The following PRKAG2 variants were observed in gnomAD, a reference collection of about 807,000 sequenced individuals.
The protein encoded by PRKAG2 is 5'-AMP-activated protein kinase subunit gamma-2.
In PRKAG2, 26 loss-of-function variants were observed where a neutral mutation model predicts 69.6. The ratio of observed to expected loss-of-function variants is 0.37; its 90% confidence interval spans 0.27 to 0.52. The LOEUF is 0.52. PRKAG2 is among the 20% of genes least tolerant of loss of function. The pLI is 0.90. For synonymous variants in PRKAG2, 293 were observed against 285.0 expected, an observed-to-expected ratio of 1.03 and a Z score of -0.28; for missense variants, 557 against 740.0, an observed-to-expected ratio of 0.75 and a Z score of 2.87.
chr7:151,663,241 C>CT (rs1227667691), intron 4 of PRKAG2, among the ~76,000 whole-genome samples: 9 of 152,170 alleles, frequency 5.9e-5, no homozygotes, highest in African/African-American at 1.9e-4. Flanking sequence ...ACCCTTCCAC[C>CT]TTCACTTTAT....
chr7:151,814,893 C>T lies in PRKAG2; in HGVS notation c.115-28352G>A. 1.6e-6 allele frequency: 2 copies of T among 1,230,916 alleles called. No individual in the cohort carries two copies. The highest frequency in any genetic ancestry group is 2.0e-6 in the Non-Finnish European group (2 of 987,304). The allele number at this position is 1,230,916 out of a possible 1,614,324, so 76.2% of individuals were successfully genotyped here. On this transcript the variant is annotated intron_variant, in intron 1 of 15. Coordinates refer to ENST00000287878, the MANE Select transcript of PRKAG2 (RefSeq NM_016203.4). The surrounding 1 kb of genome is among the most constrained non-coding windows in gnomAD (Gnocchi z 4.8). ...AACTCCTTACCACACAGCAAGCCAGCAGGAGGGAGGGCTGGACCGGAGCTT... is the reference window on the plus strand; with the variant it reads ...AACTCCTTACCACACAGCAAGCCAGTAGGAGGGAGGGCTGGACCGGAGCTT...
chr7:151,694,343 G>A (rs188559240), intron 3 of PRKAG2, among the ~76,000 whole-genome samples: 99 of 152,196 alleles, frequency 6.5e-4, no homozygotes, highest in South Asian at 2.5e-3. Flanking sequence ...ATCTTCAAGC[G>A]CACAGTTCAG....
chr7:151,690,300 A>G (rs1039937449), intron 3 of PRKAG2, among the ~76,000 whole-genome samples: 5 of 152,170 alleles, frequency 3.3e-5, no homozygotes, highest in Admixed American at 6.5e-5. Flanking sequence ...CCCCTGGTAG[A>G]GCTCGCTTCG....
chr7:151,825,056 AC>A (rs1485548039), intron 1 of PRKAG2, among the ~76,000 whole-genome samples: 1 of 14,550 alleles, frequency 6.9e-5, no homozygotes. Context: ...TACTAAAAAT[AC>A]AAAAAAATTA....
intron 1 of PRKAG2, among the ~76,000 whole-genome samples, chr7:151,864,639 G>T (rs2080016949): frequency 6.6e-6 from 1 of 152,244 alleles, no homozygotes; most frequent in South Asian, 2.1e-4. Context: ...AGAGTGGTGA[G>T]GAGACAAGCG....
At chr7:151,559,404 G>GT (rs1220724873) in intron 15 of PRKAG2, 1 of 985,294 alleles carries the variant, frequency 1.0e-6, no homozygotes, top group Non-Finnish European at 1.2e-6. Context: ...AACACTTGAA[G>GT]TTTGCAAGTG....
chr7:151,815,130 G>A (rs962747475), intron 1 of PRKAG2, among the ~76,000 whole-genome samples: 3 of 152,170 alleles, frequency 2.0e-5, no homozygotes, highest in Admixed American at 6.5e-5. Flanking sequence ...CTGGCCAGAA[G>A]GATGGGTATG....
At chr7:151,602,472 C>T (rs1007998470) in intron 5 of PRKAG2, among the ~76,000 whole-genome samples, 2 of 152,222 alleles carry the variant, frequency 1.3e-5, no homozygotes, top group South Asian at 4.1e-4. Context: ...TTCAAACTTA[C>T]AGAATTTTTG....
chr7:151,627,939 C>T (rs1046314109), intron 5 of PRKAG2, among the ~76,000 whole-genome samples: 4 of 152,148 alleles, frequency 2.6e-5, no homozygotes, highest in Non-Finnish European at 4.4e-5. Context: ...GCTGGGATTA[C>T]AATGGTGAGC....
At chr7:151,576,559 G>GGCACCATCTTGGCTCACA in intron 6 of PRKAG2, 107 bp from the exon 7 acceptor site, 1 of 990,212 alleles carries the variant, frequency 1.0e-6, no homozygotes, top group Non-Finnish European at 1.5e-6. Flanking sequence ...GGAGTGCAGT[G>GGCACCATCTTGGCTCACA]GCACCATCTT....
chr7:151,648,063 CA>C (rs1827853002), intron 4 of PRKAG2, among the ~76,000 whole-genome samples: 1 of 150,948 alleles, frequency 6.6e-6, no homozygotes, highest in African/African-American at 2.4e-5. Flanking sequence ...CAAGGCTGTC[CA>C]AAAAAGTACC....
chr7:151,590,099 A>T (rs1812684117), intron 6 of PRKAG2, among the ~76,000 whole-genome samples: 1 of 152,208 alleles, frequency 6.6e-6, no homozygotes, highest in East Asian at 1.9e-4. Flanking sequence ...CATTGTGACT[A>T]AAAAAGCCAT....
chr7:151,780,779 C>T lies in PRKAG2; in HGVS notation c.466+373G>A, dbSNP rs1377988409. Among the ~76,000 whole-genome samples, 3 of 152,198 alleles carry T rather than the reference C, an allele frequency of 2.0e-5. No homozygotes were observed. Among genetic ancestry groups the T allele is most frequent in the African/African-American group, 7.2e-5 (3 of 41,444 alleles). ...TGACCAAAGCAGTATGGTCCCGTGG[C>T]CCCGGGTGAGGGCCTAAGCTTGGCT... On this transcript the variant is annotated intron_variant, in intron 3 of 15. Transcript: ENST00000287878. This position sits in a 1 kb window ranked among gnomAD's most constrained non-coding sequence, Gnocchi z 4.2.
intron 1 of PRKAG2, among the ~76,000 whole-genome samples, chr7:151,818,261 A>C (rs1475330020): frequency 6.6e-6 from 1 of 152,196 alleles, no homozygotes; most frequent in Non-Finnish European, 1.5e-5. Context: ...AGAAAACTAG[A>C]CATGCATGAG....
chr7:151,799,878 C>T (rs1042546346), intron 1 of PRKAG2, among the ~76,000 whole-genome samples: 13 of 152,216 alleles, frequency 8.5e-5, no homozygotes, highest in Non-Finnish European at 1.8e-4. Flanking sequence ...AACCTCACAC[C>T]GGCCAAAATC....
chr7:151,754,033 G>C (rs2074894873), intron 3 of PRKAG2, among the ~76,000 whole-genome samples: 1 of 152,152 alleles, frequency 6.6e-6, no homozygotes. Context: ...AAAAGAAAAA[G>C]AGCTACAGTG....
rs1837327726 is a variant in PRKAG2, at chr7:151,699,649, T to C, written c.467-24012A>G. On this transcript the variant is annotated intron_variant, in intron 3 of 15. Coordinates refer to ENST00000287878, the MANE Select transcript of PRKAG2 (RefSeq NM_016203.4). The surrounding 1 kb of genome is among the most constrained non-coding windows in gnomAD (Gnocchi z 4.5). ...AACTGGAAGTGGGATATGCAGTGCC[T>C]GGGCTTGGGGTAACAGAACCCAGCC... is the stretch of plus-strand genomic sequence containing the variant. 2.0e-5 allele frequency among the ~76,000 whole-genome samples: 3 copies of C among 152,272 alleles called. No homozygotes were observed. The highest frequency in any genetic ancestry group is 3.4e-3 in the Middle Eastern group (1 of 294).
chr7:151,639,443 G>A (rs565914791), intron 4 of PRKAG2, among the ~76,000 whole-genome samples: 1 of 152,318 alleles, frequency 6.6e-6, no homozygotes, highest in South Asian at 2.1e-4. Flanking sequence ...TTATTTCTGG[G>A]TGTGTCCGTG....
chr7:151,603,969 G>A (rs1003496420), intron 5 of PRKAG2, among the ~76,000 whole-genome samples: 20 of 112,020 alleles, frequency 1.8e-4, no homozygotes, highest in Non-Finnish European at 3.0e-4. Context: ...TCCAATCCTA[G>A]GTTAGGAGCG....
Sources: gnomAD v4.1 joint callset for allele counts (sites outside exome capture counted in the v4.1 genomes callset) on GRCh38, gnomAD v4.1.1 for gene constraint, Gnocchi (gnomAD v3.1) non-coding constraint, MANE v1.5 for transcripts, NCBI Gene and HGNC (gene_info 2026-07-23, HGNC 2026-07-21) for gene names.